The following TOGARAM2 variants were observed in gnomAD, a reference collection of about 807,000 sequenced individuals.
TOGARAM2 encodes the protein TOG array regulator of axonemal microtubules 2.
TOGARAM2 carries 85 observed loss-of-function variants against 93.3 expected under a neutral mutation model. That is an observed-to-expected ratio of 0.91 (90% CI 0.76 to 1.09). The LOEUF (loss-of-function observed/expected upper bound fraction) is 1.09. Ranked by LOEUF, TOGARAM2 falls within the 50% of genes least tolerant of loss-of-function variation. The pLI, the probability that TOGARAM2 is intolerant of heterozygous loss-of-function variation, is 0.00. For missense variants in TOGARAM2, 1,277 were observed against 1,334.5 expected (o/e 0.96, Z 0.67); for synonymous variants, 593 against 552.8 (o/e 1.07, Z -1.02).
At chr2:29,035,684 A>C in intron 17 of TOGARAM2, 28 bp downstream of exon 17, 1 of 1,361,222 alleles carries the variant, frequency 7.3e-7, no homozygotes, top group Non-Finnish European at 9.6e-7. Flanking sequence ...TTACTCTCCC[A>C]CCTGTCTCTC....
At chr2:29,037,319 C>A (rs746736552) in intron 18 of TOGARAM2, among the ~76,000 whole-genome samples, 1 of 152,080 alleles carries the variant, frequency 6.6e-6, no homozygotes, top group East Asian at 1.9e-4. Context: ...GTACCCAGTA[C>A]GTGGACCAAA....
chr2:29,011,519 A>C lies in TOGARAM2; in HGVS notation c.877+18A>C. The C allele has an allele frequency of 6.3e-7, 1 of 1,595,716 alleles. No homozygotes were observed. The highest frequency in any genetic ancestry group is 8.5e-7 in the Non-Finnish European group (1 of 1,173,208). ...ATCTCTGGGTACGTATCTTCCATGC[A>C]CACCTCCCTTTGTTATTTGACTCTC... On this transcript the variant is annotated intron_variant, in intron 7 of 19. Coordinates refer to ENST00000379558, the MANE Select transcript of TOGARAM2 (RefSeq NM_199280.4).
At chr2:28,994,951 T>C in intron 2 of TOGARAM2, 89 bp downstream of exon 2, 1 of 1,483,646 alleles carries the variant, frequency 6.7e-7, no homozygotes, top group Admixed American at 2.0e-5. Flanking sequence ...AAAAGGGAGA[T>C]GTGGGGATAA....
chr2:28,970,586 G>A (rs1389049913), intron 1 of TOGARAM2, among the ~76,000 whole-genome samples: 3 of 152,200 alleles, frequency 2.0e-5, no homozygotes, highest in African/African-American at 7.2e-5. Flanking sequence ...GCCTATTAAT[G>A]TGGGGAAATC....
At chr2:28,986,166 C>A (rs1672456926) in intron 1 of TOGARAM2, among the ~76,000 whole-genome samples, 1 of 150,374 alleles carries the variant, frequency 6.7e-6, no homozygotes, top group South Asian at 2.1e-4. Flanking sequence ...AATTAGGATG[C>A]CCTCGTGCAG....
In TOGARAM2 at chr2:29,013,957, A is replaced by G. The variant is rs150438109; in HGVS notation, c.878-438A>G. Among the ~76,000 whole-genome samples, 1,516 of 152,090 alleles carry G rather than the reference A, an allele frequency of 1.0e-2. 22 individuals carry two copies. The highest frequency in any genetic ancestry group is 0.034 in the African/African-American group (1,418 of 41,486). ...TAGTGTTAGATCTCTGGTCCTGGCAACTCTGCCCTTTCCTGCTGCGTCATG... is the reference window on the plus strand; with the variant it reads ...TAGTGTTAGATCTCTGGTCCTGGCAGCTCTGCCCTTTCCTGCTGCGTCATG... On this transcript the variant is annotated intron_variant, in intron 7 of 19. Coordinates refer to ENST00000379558, the MANE Select transcript of TOGARAM2 (RefSeq NM_199280.4).
At chr2:29,038,937 C>T (rs957426684) in intron 18 of TOGARAM2, among the ~76,000 whole-genome samples, 4 of 152,164 alleles carry the variant, frequency 2.6e-5, no homozygotes, top group Admixed American at 2.6e-4. Context: ...AGGTTACCAA[C>T]AAGGGGGACT....
At chr2:29,005,503 G>GTT (rs1558422841) in intron 6 of TOGARAM2, among the ~76,000 whole-genome samples, 7 of 89,326 alleles carry the variant, frequency 7.8e-5, no homozygotes, top group Non-Finnish European at 1.8e-4. Flanking sequence ...GTGAGTGCAT[G>GTT]TGTTTGTGTA....
chr2:29,040,846 C>T (rs1011114247), intron 18 of TOGARAM2, among the ~76,000 whole-genome samples: 4 of 152,128 alleles, frequency 2.6e-5, no homozygotes, highest in East Asian at 1.9e-4. Flanking sequence ...AATAAAACCC[C>T]GTGTCTCGTT....
At chr2:29,017,696 C>G in intron 9 of TOGARAM2, 96 bp from the exon 10 acceptor site, 3 of 1,254,846 alleles carry the variant, frequency 2.4e-6, no homozygotes, top group Non-Finnish European at 3.2e-6. Context: ...CTGGCATGAG[C>G]TACTTTGGCC....
chr2:28,968,295 A>G (rs1671894913), intron 1 of TOGARAM2, among the ~76,000 whole-genome samples: 1 of 152,052 alleles, frequency 6.6e-6, no homozygotes, highest in African/African-American at 2.4e-5. Context: ...TCTCTTTTTA[A>G]TGGTTAAATT....
intron 1 of TOGARAM2, among the ~76,000 whole-genome samples, chr2:28,990,590 C>G (rs187442277): frequency 2.0e-5 from 3 of 152,320 alleles, no homozygotes; most frequent in East Asian, 3.9e-4. Flanking sequence ...CGTTTAGACC[C>G]CATTTCCTAC....
chr2:28,980,940 AC>A (rs1204681117), upstream of TOGARAM2, among the ~76,000 whole-genome samples: 1 of 152,140 alleles, frequency 6.6e-6, no homozygotes, highest in Non-Finnish European at 1.5e-5. Context: ...CAGGATTCAA[AC>A]CCAGCTGCCT....
At position 29,014,561 on chromosome 2, in the gene TOGARAM2, G is replaced by C; in HGVS notation, c.1044G>C (p.Lys348Asn). The stretch of plus-strand genomic sequence containing the variant: ...AGGACCAGAAGGAGATCGGCACCAA[G>C]GTACCTGGGGAGCGGGAGGAGGAGG... ...KEEDQKEIGTKIQVTISKSAR... is the reference protein window; with the variant it reads ...KEEDQKEIGTNIQVTISKSAR... Residue 348 changes from lysine to asparagine, a missense_variant and splice_region_variant, in exon 8 of 20, where the codon AAG becomes AAC. Transcript: ENST00000379558. 1 of 1,564,602 alleles carries C rather than the reference G, an allele frequency of 6.4e-7. No individual in the cohort carries two copies. The highest frequency in any genetic ancestry group is 8.7e-7 in the Non-Finnish European group (1 of 1,154,068).
chr2:29,024,445 T>A (rs922821469), intron 13 of TOGARAM2, 71 bp downstream of exon 13: 5 of 1,158,988 alleles, frequency 4.3e-6, no homozygotes, highest in Admixed American at 4.3e-5. Context: ...GGCCCTGGGA[T>A]GTGAAAGAAG....
intron 18 of TOGARAM2, among the ~76,000 whole-genome samples, chr2:29,038,152 C>T (rs1248480776): frequency 5.9e-5 from 9 of 152,168 alleles, no homozygotes; most frequent in Non-Finnish European, 4.4e-5. Flanking sequence ...CTAGACTGGG[C>T]ATCCTGGAAA....
chr2:29,040,848 T>C (rs1193165767), intron 18 of TOGARAM2, among the ~76,000 whole-genome samples: 2 of 152,162 alleles, frequency 1.3e-5, no homozygotes, highest in Non-Finnish European at 2.9e-5. Context: ...TAAAACCCCG[T>C]GTCTCGTTTG....
intron 3 of TOGARAM2, among the ~76,000 whole-genome samples, chr2:28,998,534 A>G (rs1269789830): frequency 1.3e-5 from 2 of 151,978 alleles, no homozygotes; most frequent in African/African-American, 4.8e-5. Context: ...GGCAATGGGG[A>G]GGGGGCCCCT....
At chr2:29,027,946 C>T (rs371630722) in intron 14 of TOGARAM2, among the ~76,000 whole-genome samples, 3 of 152,090 alleles carry the variant, frequency 2.0e-5, no homozygotes, top group African/African-American at 4.8e-5. Flanking sequence ...AGGTCAGAGA[C>T]GTTCTCCTAG....
Sources: gnomAD v4.1 joint callset for allele counts (sites outside exome capture counted in the v4.1 genomes callset) on GRCh38, gnomAD v4.1.1 for gene constraint, MANE v1.5 for transcripts, NCBI Gene and HGNC (gene_info 2026-07-23, HGNC 2026-07-21) for gene names.